Variants in DENND1B observed in about 807,000 individuals in gnomAD.
DENND1B encodes DENN domain-containing protein 1B.
A neutral mutation model predicts 90.1 loss-of-function variants in DENND1B; 59 were observed. The observed-to-expected ratio is 0.65, with a 90% CI of 0.53 to 0.81. The LOEUF is 0.81. Among genes scored for constraint, DENND1B ranks in the 40% least tolerant of loss-of-function variants. The pLI is 0.00. For missense variants in DENND1B, 862 were observed against 912.6 expected, an observed-to-expected ratio of 0.94 and a Z score of 0.71; for synonymous variants, 337 against 324.6, an observed-to-expected ratio of 1.04 and a Z score of -0.41.
chr1:197,696,363 A>T (rs968617410), intron 3 of DENND1B, among the ~76,000 whole-genome samples: 1 of 151,562 alleles, frequency 6.6e-6, no homozygotes, highest in Non-Finnish European at 1.5e-5. Context: ...ATCATGTAAC[A>T]TATGCACTTT....
intron 2 of DENND1B, among the ~76,000 whole-genome samples, chr1:197,748,413 C>T (rs1374409439): frequency 6.6e-6 from 1 of 152,072 alleles, no homozygotes; most frequent in Non-Finnish European, 1.5e-5. Flanking sequence ...TATCCTAATG[C>T]CTAGAACCTG....
chr1:197,691,766 T>C (rs1293708677), intron 3 of DENND1B, among the ~76,000 whole-genome samples: 3 of 151,644 alleles, frequency 2.0e-5, no homozygotes, highest in Non-Finnish European at 2.9e-5. Context: ...CAATGGAAAA[T>C]TACTCAGCCT....
intron 22 of DENND1B, 44 bp from the exon 23 acceptor site, chr1:197,511,016 G>T: frequency 7.0e-7 from 1 of 1,435,440 alleles, no homozygotes; most frequent in Non-Finnish European, 9.2e-7. Context: ...CTTTTAATAA[G>T]CATTAATTTA....
At chr1:197,529,203 GATATATATATATATAT>G (rs71131771) in intron 20 of DENND1B, among the ~76,000 whole-genome samples, 1,670 of 117,288 alleles carry the variant, frequency 0.014, 21 homozygotes, top group Middle Eastern at 0.033. Context: ...AGTTAAGAGT[GATATATATATATATAT>G]ATATATATAT....
chr1:197,525,241 T>C (rs1182159821), intron 20 of DENND1B, among the ~76,000 whole-genome samples: 1 of 152,246 alleles, frequency 6.6e-6, no homozygotes, highest in East Asian at 1.9e-4. Flanking sequence ...TTAAAATACA[T>C]TGTTTCATTA....
chr1:197,616,912 T>G (rs191917070), intron 11 of DENND1B, among the ~76,000 whole-genome samples: 1 of 150,998 alleles, frequency 6.6e-6, no homozygotes, highest in East Asian at 2.0e-4. Flanking sequence ...AAGATAACAT[T>G]TCCCCCCCTA....
intron 5 of DENND1B, among the ~76,000 whole-genome samples, chr1:197,662,427 C>T (rs1654498121): frequency 6.6e-6 from 1 of 151,920 alleles, no homozygotes; most frequent in Non-Finnish European, 1.5e-5. Context: ...TAAGATAAAG[C>T]AACTTATCTA....
At chr1:197,577,628 G>A (rs957700063) in intron 15 of DENND1B, among the ~76,000 whole-genome samples, 1 of 152,260 alleles carries the variant, frequency 6.6e-6, no homozygotes, top group South Asian at 2.1e-4. Context: ...CATTGTATCA[G>A]TATGAGATAA....
chr1:197,747,126 T>C (rs1251557372), intron 2 of DENND1B: 4 of 770,542 alleles, frequency 5.2e-6, no homozygotes, highest in South Asian at 1.4e-5. Context: ...CATTCCTCAA[T>C]TTATCTTTTC....
At chr1:197,748,624 G>C (rs940363725) in intron 2 of DENND1B, among the ~76,000 whole-genome samples, 1 of 152,140 alleles carries the variant, frequency 6.6e-6, no homozygotes, top group African/African-American at 2.4e-5. Flanking sequence ...TGTGGGCTTT[G>C]AAGACAGAAG....
chr1:197,619,790 C>CT (rs1677982789), intron 10 of DENND1B, among the ~76,000 whole-genome samples: 1 of 151,128 alleles, frequency 6.6e-6, no homozygotes, highest in Non-Finnish European at 1.5e-5. Context: ...ATGAATTTGA[C>CT]TGATTTCTTA....
chr1:197,597,728 T>G (rs1397771187), intron 13 of DENND1B, among the ~76,000 whole-genome samples: 5 of 151,832 alleles, frequency 3.3e-5, no homozygotes. Context: ...CTTCCAAAAC[T>G]AGTCAATGAT....
intron 2 of DENND1B, among the ~76,000 whole-genome samples, chr1:197,769,659 C>G (rs1000434769): frequency 6.6e-6 from 1 of 152,020 alleles, no homozygotes; most frequent in African/African-American, 2.4e-5. Flanking sequence ...TTATTTAAAC[C>G]AATCTTATGT....
rs144503127 is a variant in DENND1B, at chr1:197,678,153, G to T, written c.127-3984C>A. Among the ~76,000 whole-genome samples the T allele has an allele frequency of 6.7e-4, 102 of 152,256 alleles. No individual in the cohort carries two copies. The East Asian group carries it at 0.02, about 29-fold the overall frequency. On this transcript the variant is annotated intron_variant, in intron 3 of 22. Coordinates refer to ENST00000620048, the MANE Select transcript of DENND1B (RefSeq NM_001195215.2). ...TCAGTTTAGCCTTAGACTAGTTAGA[G>T]TAAAAGTCAGAATTCAACCCATTCG...
chr1:197,670,762 A>G (rs960777477), intron 5 of DENND1B, among the ~76,000 whole-genome samples: 1 of 152,030 alleles, frequency 6.6e-6, no homozygotes, highest in African/African-American at 2.4e-5. Flanking sequence ...TCAGCAGGAA[A>G]CAATGATAAA....
rs76349441 is a variant in DENND1B, at chr1:197,634,914, A to T, written c.672+7797T>A. On this transcript the variant is annotated intron_variant, in intron 10 of 22. Transcript: ENST00000620048. ...GCTGAGGTGTGGAAAGATGCCTGAG[A>T]TCTGCGGGCAGAAGCTGCAGTGGGC... Among the ~76,000 whole-genome samples the T allele has an allele frequency of 1.4e-4, 22 of 152,264 alleles. 1 individual carries two copies. In the East Asian group the frequency reaches 4.3e-3, roughly 29 times the overall value.
At chr1:197,620,531 T>C (rs1035529613) in intron 10 of DENND1B, among the ~76,000 whole-genome samples, 4 of 151,336 alleles carry the variant, frequency 2.6e-5, no homozygotes, top group Non-Finnish European at 5.9e-5. Context: ...TTCTTATGTA[T>C]TGAGATTTCT....
intron 15 of DENND1B, among the ~76,000 whole-genome samples, chr1:197,578,830 A>T (rs889053410): frequency 3.3e-5 from 5 of 152,122 alleles, no homozygotes; most frequent in African/African-American, 1.2e-4. Context: ...CTAAAACTTA[A>T]AGTATAATAC....
chr1:197,724,357 T>C (rs1368621566), intron 2 of DENND1B, among the ~76,000 whole-genome samples: 1 of 152,062 alleles, frequency 6.6e-6, no homozygotes, highest in Non-Finnish European at 1.5e-5. Flanking sequence ...CAAGTTACAA[T>C]AAAAGTAAAT....
Sources: allele counts gnomAD v4.1 joint callset (sites outside exome capture counted in the v4.1 genomes callset), GRCh38; gene constraint gnomAD v4.1.1; transcripts MANE v1.5; gene names NCBI Gene and HGNC (gene_info 2026-07-23, HGNC 2026-07-21).